The following DDX4 variants were observed in gnomAD, a reference collection of about 807,000 sequenced individuals.
The protein encoded by DDX4 is DEAD-box helicase 4.
A neutral mutation model predicts 100.0 loss-of-function variants in DDX4; 25 were observed. The ratio of observed to expected loss-of-function variants is 0.25; its 90% CI spans 0.18 to 0.35. The LOEUF (loss-of-function observed/expected upper bound fraction) is 0.35, where lower values mean the gene tolerates loss of function less well. DDX4 is among the 10% of genes least tolerant of loss of function. DDX4 has a pLI of 1.00. For missense variants in DDX4, 635 were observed against 882.4 expected (o/e 0.72, Z 3.55); for synonymous variants, 259 against 275.7 (o/e 0.94, Z 0.60).
intron 18 of DDX4, among the ~76,000 whole-genome samples, chr5:55,804,794 T>C (rs1171696147): frequency 6.6e-6 from 1 of 152,162 alleles, no homozygotes; most frequent in Admixed American, 6.6e-5. Flanking sequence ...TAGGATTGAC[T>C]TGGCGATGCG....
chr5:55,799,827 C>T (rs888011488), intron 18 of DDX4, among the ~76,000 whole-genome samples: 9 of 152,106 alleles, frequency 5.9e-5, no homozygotes, highest in African/African-American at 2.2e-4. Context: ...CCATCCACAC[C>T]CTCCATTTTA....
At chr5:55,811,061 ATC>A (rs1345026562) in intron 18 of DDX4, among the ~76,000 whole-genome samples, 1 of 150,966 alleles carries the variant, frequency 6.6e-6, no homozygotes, top group Non-Finnish European at 1.5e-5. Flanking sequence ...AGTCAACAGA[ATC>A]TCTGCTGTCT....
intron 6 of DDX4, among the ~76,000 whole-genome samples, chr5:55,764,964 C>G (rs553099532): frequency 6.6e-6 from 1 of 152,272 alleles, no homozygotes; most frequent in East Asian, 1.9e-4. Context: ...AAAGTCAAAA[C>G]CAAGCCTAGA....
chr5:55,801,586 G>T (rs1743310691), intron 18 of DDX4, among the ~76,000 whole-genome samples: 1 of 152,074 alleles, frequency 6.6e-6, no homozygotes, highest in South Asian at 2.1e-4. Context: ...TTTTCTGACA[G>T]CCTGTGTCTA....
intron 18 of DDX4, among the ~76,000 whole-genome samples, chr5:55,801,506 A>C (rs578245822): frequency 6.6e-6 from 1 of 152,352 alleles, no homozygotes; most frequent in South Asian, 2.1e-4. Context: ...GTTATGAAAA[A>C]GAATATAGAA....
At chr5:55,777,092 A>G (rs1004237401) in intron 7 of DDX4, among the ~76,000 whole-genome samples, 3 of 152,228 alleles carry the variant, frequency 2.0e-5, no homozygotes, top group East Asian at 3.8e-4. Context: ...AGAGCTTTGT[A>G]GGAAGGAAGG....
At chr5:55,774,906 A>AT (rs376205858) in intron 7 of DDX4, among the ~76,000 whole-genome samples, 281 of 152,322 alleles carry the variant, frequency 1.8e-3, no homozygotes, top group African/African-American at 4.8e-3. Context: ...ATAACATAAA[A>AT]TTCCCATATT....
intron 7 of DDX4, among the ~76,000 whole-genome samples, chr5:55,768,480 G>C (rs1232261787): frequency 6.6e-6 from 1 of 152,132 alleles, no homozygotes; most frequent in Non-Finnish European, 1.5e-5. Context: ...TGGCTGCCTA[G>C]TATTCCATGG....
At chr5:55,747,449 C>T (rs1166992815) in intron 3 of DDX4, among the ~76,000 whole-genome samples, 1 of 152,120 alleles carries the variant, frequency 6.6e-6, no homozygotes, top group African/African-American at 2.4e-5. Flanking sequence ...AACTACTTGG[C>T]AGGTTGAGGA....
chr5:55,775,294 A>G (rs1741489048), intron 7 of DDX4, among the ~76,000 whole-genome samples: 1 of 152,192 alleles, frequency 6.6e-6, no homozygotes, highest in South Asian at 2.1e-4. Context: ...CGACTATTGT[A>G]AGTCCGCTAT....
In DDX4 at chr5:55,800,014, C is replaced by T. The variant is rs562436033; in HGVS notation, c.1615+1443C>T. Among the ~76,000 whole-genome samples, 7 of 152,252 alleles carry T rather than the reference C, an allele frequency of 4.6e-5. No individual in the cohort carries two copies. In the South Asian group the frequency reaches 1.5e-3, roughly 32 times the overall value. Reference sequence around the variant, plus strand: ...TAAAAACTTTTAAAAACCAAATACTCATCTTGAGTTTGAGAAATTTTATTG... The same window carrying T: ...TAAAAACTTTTAAAAACCAAATACTTATCTTGAGTTTGAGAAATTTTATTG... On this transcript the variant is annotated intron_variant, in intron 18 of 21. Coordinates refer to ENST00000505374, the MANE Select transcript of DDX4 (RefSeq NM_024415.3).
At chr5:55,802,893 T>TA (rs1404574966) in intron 18 of DDX4, among the ~76,000 whole-genome samples, 1 of 152,236 alleles carries the variant, frequency 6.6e-6, no homozygotes, top group Non-Finnish European at 1.5e-5. Context: ...TAAAGCCATT[T>TA]AAAAAATACT....
chr5:55,807,418 T>C (rs1020625394), intron 18 of DDX4, among the ~76,000 whole-genome samples: 4 of 152,204 alleles, frequency 2.6e-5, no homozygotes, highest in African/African-American at 4.8e-5. Flanking sequence ...TTCCTAGCCT[T>C]GATGGTCTTT....
chr5:55,810,102 A>AT (rs533865757), intron 18 of DDX4, among the ~76,000 whole-genome samples: 102 of 149,806 alleles, frequency 6.8e-4, no homozygotes, highest in Non-Finnish European at 1.2e-3. Flanking sequence ...AGTGCTTCAT[A>AT]TTTTTTTTTT....
intron 3 of DDX4, among the ~76,000 whole-genome samples, chr5:55,747,459 A>T (rs1453001448): frequency 6.6e-6 from 1 of 152,218 alleles, no homozygotes; most frequent in East Asian, 1.9e-4. Context: ...CAGGTTGAGG[A>T]TTGCTTGAGC....
intron 2 of DDX4, among the ~76,000 whole-genome samples, chr5:55,740,632 A>G (rs988623144): frequency 1.3e-5 from 2 of 149,790 alleles, no homozygotes; most frequent in Admixed American, 1.3e-4. Flanking sequence ...CAGCCTCCCA[A>G]GTAGCTGGGA....
intron 10 of DDX4, 155 bp downstream of exon 10, chr5:55,782,136 C>T (rs62361901): frequency 0.12 from 94,512 of 783,590 alleles, 6,255 homozygotes; most frequent in Middle Eastern, 0.14. Flanking sequence ...TAAATTTACA[C>T]AGCCTGTTTT....
chr5:55,757,081 T>G (rs2111741690), intron 3 of DDX4, among the ~76,000 whole-genome samples: 1 of 152,346 alleles, frequency 6.6e-6, no homozygotes, highest in African/African-American at 2.4e-5. Flanking sequence ...TAATTCTTTC[T>G]TAGAACCTTC....
intron 17 of DDX4, among the ~76,000 whole-genome samples, chr5:55,793,065 TTG>T (rs1561507846): frequency 0.014 from 2,158 of 148,938 alleles, 27 homozygotes; most frequent in South Asian, 0.039. Flanking sequence ...TTTGTGTGTG[TTG>T]TTGTTGTTGT....
Sources: gnomAD v4.1 joint callset for allele counts (sites outside exome capture counted in the v4.1 genomes callset) on GRCh38, gnomAD v4.1.1 for gene constraint, MANE v1.5 for transcripts, NCBI Gene and HGNC (gene_info 2026-07-23, HGNC 2026-07-21) for gene names.